The following SGCD variants were observed in gnomAD, a reference collection of about 807,000 sequenced individuals.
The protein encoded by SGCD is delta-sarcoglycan.
SGCD carries 18 observed loss-of-function variants against 36.6 expected under a neutral mutation model. The observed-to-expected ratio is 0.49, with a 90% confidence interval of 0.34 to 0.73. The LOEUF (loss-of-function observed/expected upper bound fraction) is 0.73. Ranked by LOEUF, SGCD falls within the 30% of genes least tolerant of loss-of-function variation. The probability of loss-of-function intolerance (pLI) is 0.01; values close to 1 mark genes in which losing one functional copy is unlikely to be tolerated. For missense variants in SGCD, 387 were observed against 346.7 expected (o/e 1.12, Z -0.92); for synonymous variants, 133 against 130.6 (o/e 1.02, Z -0.12).
chr5:155,756,382 T>C, the SGCD span, among the ~76,000 whole-genome samples: 6 of 152,244 alleles, frequency 3.9e-5, no homozygotes, highest in Non-Finnish European at 8.8e-5. Context: ...TATTTCCTTA[T>C]AAAATCTTTC....
intron 3 of SGCD, among the ~76,000 whole-genome samples, chr5:156,283,326 C>A (rs1033088341): frequency 6.6e-6 from 1 of 152,182 alleles, no homozygotes; most frequent in East Asian, 1.9e-4. Context: ...TTGAACTGTT[C>A]TCTGGTGTAA....
At chr5:156,256,124 G>T (rs1356595603) in intron 3 of SGCD, among the ~76,000 whole-genome samples, 1 of 152,104 alleles carries the variant, frequency 6.6e-6, no homozygotes, top group Non-Finnish European at 1.5e-5. Context: ...TCTGGGTTTT[G>T]CAAGTAGAGA....
intron 3 of SGCD, among the ~76,000 whole-genome samples, chr5:156,169,972 G>A (rs536872009): frequency 5.4e-4 from 82 of 152,248 alleles, no homozygotes; most frequent in African/African-American, 1.9e-3. Context: ...TGTGCCCGTG[G>A]TGTGACGTGA....
At chr5:156,607,206 T>C (rs1581244917) in intron 6 of SGCD, among the ~76,000 whole-genome samples, 1 of 152,324 alleles carries the variant, frequency 6.6e-6, no homozygotes, top group East Asian at 1.9e-4. Context: ...TCTTATTATT[T>C]TGAGATACAT....
At position 156,418,609 on chromosome 5, in the gene SGCD, G is replaced by A. The variant is rs556813596; in HGVS notation, c.192+73932G>A. ...TTGCATTTATGGCTTGGACTGGAAA[G>A]AGAAAAAGATCTGACCCTTACATCT... is the stretch of plus-strand genomic sequence containing the variant. On this transcript the variant is annotated intron_variant, in intron 3 of 8. Coordinates refer to ENST00000337851, the MANE Select transcript of SGCD (RefSeq NM_000337.6). 3.9e-5 allele frequency among the ~76,000 whole-genome samples: 6 copies of A among 152,264 alleles called. No individual in the cohort carries two copies. The East Asian group carries it at 1.2e-3, about 29-fold the overall frequency.
At chr5:156,136,592 T>G (rs1762464162) in intron 3 of SGCD, among the ~76,000 whole-genome samples, 1 of 152,222 alleles carries the variant, frequency 6.6e-6, no homozygotes, top group Non-Finnish European at 1.5e-5. Flanking sequence ...CTCAATAGTT[T>G]ATGATTTTAA....
the SGCD span, among the ~76,000 whole-genome samples, chr5:155,854,452 C>CT: frequency 6.6e-6 from 1 of 152,104 alleles, no homozygotes; most frequent in African/African-American, 2.4e-5. Flanking sequence ...CCCTAAGAAG[C>CT]TTTTTTTCGT....
At chr5:155,829,797 C>T in the SGCD span, among the ~76,000 whole-genome samples, 1 of 152,066 alleles carries the variant, frequency 6.6e-6, no homozygotes, top group Admixed American at 6.6e-5. Context: ...GGTATAGTTT[C>T]ATACAAAAGT....
chr5:155,772,952 C>A, the SGCD span, among the ~76,000 whole-genome samples: 1 of 152,084 alleles, frequency 6.6e-6, no homozygotes, highest in East Asian at 1.9e-4. Context: ...CACTGTGGAA[C>A]TCTTACCCAC....
chr5:156,592,065 T>C (rs1760743343), intron 5 of SGCD, among the ~76,000 whole-genome samples: 1 of 152,182 alleles, frequency 6.6e-6, no homozygotes, highest in African/African-American at 2.4e-5. Context: ...ATACTTTCTA[T>C]ACTGCTATAG....
At chr5:156,544,763 A>T (rs1224077145) in intron 4 of SGCD, among the ~76,000 whole-genome samples, 1 of 152,206 alleles carries the variant, frequency 6.6e-6, no homozygotes, top group Non-Finnish European at 1.5e-5. Context: ...CACAAATAGT[A>T]GCAATAATAG....
At chr5:155,965,014 T>C (rs1218289629) in intron 1 of SGCD, among the ~76,000 whole-genome samples, 2 of 152,018 alleles carry the variant, frequency 1.3e-5, no homozygotes, top group African/African-American at 2.4e-5. Flanking sequence ...CTGGAATTGT[T>C]TGTGGCTTCC....
intron 1 of SGCD, among the ~76,000 whole-genome samples, chr5:155,897,168 T>C (rs1756282897): frequency 2.6e-5 from 4 of 152,208 alleles, no homozygotes; most frequent in Admixed American, 1.3e-4. Context: ...CGAGGCTATA[T>C]GGTACAGCTT....
chr5:155,731,087 C>G, the SGCD span, among the ~76,000 whole-genome samples: 1 of 151,568 alleles, frequency 6.6e-6, no homozygotes, highest in Non-Finnish European at 1.5e-5. Context: ...AGTACAGAGT[C>G]AGAGTAAGAA....
At chr5:156,393,812 G>C (rs1456740865) in intron 3 of SGCD, 2 of 456,200 alleles carry the variant, frequency 4.4e-6, no homozygotes, top group Admixed American at 4.7e-5. Flanking sequence ...TGAGCTGAGA[G>C]GAGCCAGAAC....
intron 3 of SGCD, among the ~76,000 whole-genome samples, chr5:156,465,349 A>G (rs1263207388): frequency 2.0e-5 from 3 of 152,184 alleles, no homozygotes; most frequent in Non-Finnish European, 4.4e-5. Flanking sequence ...CCTCCTAGCT[A>G]TAAGGAAGAA....
chr5:156,657,612 A>T (rs1456065848), intron 7 of SGCD, among the ~76,000 whole-genome samples: 1 of 150,634 alleles, frequency 6.6e-6, no homozygotes, highest in African/African-American at 2.4e-5. Flanking sequence ...AAAATACAAA[A>T]ATTAGCTGGG....
At chr5:156,703,690 C>G (rs950786606) in intron 7 of SGCD, among the ~76,000 whole-genome samples, 1 of 152,098 alleles carries the variant, frequency 6.6e-6, no homozygotes, top group African/African-American at 2.4e-5. Flanking sequence ...CTTGAGGATA[C>G]AGAGATAAGA....
chr5:156,488,900 T>C (rs1392614077), intron 3 of SGCD, among the ~76,000 whole-genome samples: 1 of 152,040 alleles, frequency 6.6e-6, no homozygotes, highest in East Asian at 1.9e-4. Context: ...TGAATGCAAA[T>C]GGATTGAACT....
Sources: gnomAD v4.1 joint callset for allele counts (sites outside exome capture counted in the v4.1 genomes callset) on GRCh38, gnomAD v4.1.1 for gene constraint, MANE v1.5 for transcripts, NCBI Gene and HGNC (gene_info 2026-07-23, HGNC 2026-07-21) for gene names.